AGO3: variants seen among roughly 807,000 people sequenced by gnomAD.
AGO3 encodes the protein protein argonaute-3.
A neutral mutation model predicts 105.5 loss-of-function variants in AGO3; 16 were observed. The ratio of observed to expected loss-of-function variants is 0.15; its 90% CI spans 0.10 to 0.23. The LOEUF is 0.23. AGO3 is among the 10% of genes least tolerant of loss of function. AGO3 has a pLI of 1.00. For missense variants in AGO3, 534 were observed against 1,088.0 expected, an observed-to-expected ratio of 0.49 and a Z score of 7.16; for synonymous variants, 340 against 367.3, an observed-to-expected ratio of 0.93 and a Z score of 0.85.
intron 14 of AGO3, 96 bp downstream of exon 14, chr1:36,036,363 A>C: frequency 2.6e-6 from 3 of 1,167,914 alleles, no homozygotes; most frequent in East Asian, 4.8e-5. Context: ...CTTTGTAGCC[A>C]ACTTTCATAA....
At chr1:35,995,209 A>T (rs35458764) in intron 5 of AGO3, among the ~76,000 whole-genome samples, 12,519 of 114,312 alleles carry the variant, frequency 0.11, 692 homozygotes, top group Non-Finnish European at 0.14. Flanking sequence ...TAAAAAAAAA[A>T]ATATATATAT....
intron 11 of AGO3, among the ~76,000 whole-genome samples, chr1:36,025,365 C>T (rs1278688883): frequency 2.1e-5 from 3 of 145,086 alleles, no homozygotes; most frequent in Admixed American, 7.1e-5. Context: ...ACAAGGATGG[C>T]TTATTACAAT....
At chr1:35,996,253 AG>A (rs1245755942) in intron 5 of AGO3, among the ~76,000 whole-genome samples, 1 of 151,668 alleles carries the variant, frequency 6.6e-6, no homozygotes, top group African/African-American at 2.4e-5. Flanking sequence ...TGAGCCCAGG[AG>A]TTAGAGGTTG....
rs1229374106 is a variant in AGO3 at position 35,931,163 on chromosome 1, G to T, written c.-264G>T. 9 of 398,034 alleles carry T rather than the reference G, an allele frequency of 2.3e-5. No individual in the cohort carries two copies. In the East Asian group the frequency reaches 3.2e-4, roughly 14 times the overall value. The allele number at this position is 398,034 out of a possible 1,614,324, so 24.7% of individuals were successfully genotyped here. Reference sequence around the variant, plus strand: ...GCGGTGGGAGCGTCGGCGGCCGCGGGCGATGCAACTTCCGGACGGGACTCC... The same window carrying T: ...GCGGTGGGAGCGTCGGCGGCCGCGGTCGATGCAACTTCCGGACGGGACTCC... On this transcript the variant is annotated 5_prime_UTR_variant, in exon 1 of 19. Transcript: ENST00000373191.
intron 1 of AGO3, among the ~76,000 whole-genome samples, chr1:35,937,289 G>A (rs1269535074): frequency 2.7e-5 from 4 of 150,904 alleles, no homozygotes; most frequent in Admixed American, 1.3e-4. Context: ...TGTAATACCC[G>A]CTACTCGGGA....
chr1:36,036,997 A>T (rs1642041127), intron 14 of AGO3, among the ~76,000 whole-genome samples: 1 of 151,980 alleles, frequency 6.6e-6, no homozygotes, highest in Non-Finnish European at 1.5e-5. Context: ...TGCCCAGCCA[A>T]ATTCTTTATT....
intron 14 of AGO3, among the ~76,000 whole-genome samples, chr1:36,038,752 A>G (rs1363894445): frequency 1.3e-5 from 2 of 152,232 alleles, no homozygotes; most frequent in East Asian, 1.9e-4. Flanking sequence ...TATTAGACAC[A>G]GAAAGAGAAA....
intron 1 of AGO3, among the ~76,000 whole-genome samples, chr1:35,941,508 A>T (rs1178366486): frequency 6.6e-6 from 1 of 152,200 alleles, no homozygotes; most frequent in East Asian, 1.9e-4. Flanking sequence ...TGTAATCAAG[A>T]TAATGTGGTA....
chr1:35,985,737 C>A (rs1647160236), intron 5 of AGO3, among the ~76,000 whole-genome samples: 2 of 152,016 alleles, frequency 1.3e-5, no homozygotes, highest in Admixed American at 1.3e-4. Context: ...AAACAAAGTA[C>A]AAAGTATAAA....
rs932088761 is a variant in AGO3 at position 35,931,582 on chromosome 1, G to C, written c.19+137G>C. 12 of 1,000,024 alleles carry C rather than the reference G, an allele frequency of 1.2e-5. No individual in the cohort carries two copies. In the Admixed American group the frequency reaches 2.1e-4, roughly 18 times the overall value. 61.9% of individuals were successfully genotyped at this position (1,000,024 alleles called of 1,614,324 possible). On this transcript the variant is annotated intron_variant, in intron 1 of 18. Coordinates refer to ENST00000373191, the MANE Select transcript of AGO3 (RefSeq NM_024852.4). Reference sequence around the variant, plus strand: ...CGCTCGGTCTCCCGCCCCTCGCCCTGCTCCTCCGCGACCTCCCCGCAGCCC... The same window carrying C: ...CGCTCGGTCTCCCGCCCCTCGCCCTCCTCCTCCGCGACCTCCCCGCAGCCC...
chr1:36,030,519 AAG>A (rs1553169229), intron 12 of AGO3, among the ~76,000 whole-genome samples: 2 of 151,780 alleles, frequency 1.3e-5, no homozygotes, highest in South Asian at 4.1e-4. Flanking sequence ...AAAAAAAAAA[AAG>A]AGAGAAGAAA....
rs1163618923 is a variant in AGO3 at position 36,061,565 on chromosome 1, G to A, written c.*5820G>A. ...AGTGAGAAACCCTGTTGAAGTATCA[G>A]GTAAATGGTGTGACAAAATTAGAAT... On this transcript the variant is annotated 3_prime_UTR_variant, in exon 19 of 19. Transcript: ENST00000373191. 1.3e-5 allele frequency: 2 copies of A among 152,114 alleles called. No individual in the cohort carries two copies. Among genetic ancestry groups the A allele is most frequent in the African/African-American group, 4.8e-5 (2 of 41,422 alleles). The allele number at this position is 152,114 out of a possible 1,614,324, so 9.4% of individuals were successfully genotyped here.
Position 36,067,220 on chromosome 1 carries a change from G to A in AGO3, c.*11475G>A, listed in dbSNP as rs1192242534. The A allele has an allele frequency of 2.6e-5, 4 of 152,164 alleles. No homozygotes were observed. Among genetic ancestry groups the A allele is most frequent in the East Asian group, 1.9e-4 (1 of 5,200 alleles). 9.4% of individuals were successfully genotyped at this position (152,164 alleles called of 1,614,324 possible). ...ATTTGGTAAAAACACTGGTTAGTTTGTAATGAAGAAAGAATTTTGGCATAG... is the reference window on the plus strand; with the variant it reads ...ATTTGGTAAAAACACTGGTTAGTTTATAATGAAGAAAGAATTTTGGCATAG... On this transcript the variant is annotated 3_prime_UTR_variant, in exon 19 of 19. Transcript: ENST00000373191.
intron 14 of AGO3, among the ~76,000 whole-genome samples, chr1:36,038,038 T>C (rs1433449127): frequency 2.0e-5 from 3 of 152,130 alleles, no homozygotes; most frequent in African/African-American, 7.2e-5. Flanking sequence ...TCCAAGAACT[T>C]AGAGAGTAGT....
At chr1:36,026,530 C>A (rs565133830) in intron 11 of AGO3, among the ~76,000 whole-genome samples, 1 of 152,310 alleles carries the variant, frequency 6.6e-6, no homozygotes, top group Non-Finnish European at 1.5e-5. Flanking sequence ...TTTGTCTAAT[C>A]ATTTGAACTT....
intron 11 of AGO3, among the ~76,000 whole-genome samples, chr1:36,020,946 A>C (rs1305223130): frequency 2.0e-5 from 3 of 151,446 alleles, no homozygotes; most frequent in African/African-American, 7.3e-5. Context: ...TTATTTATTT[A>C]TTTAGAGACG....
chr1:35,997,222 T>C (rs1057061982), intron 5 of AGO3, among the ~76,000 whole-genome samples: 1 of 151,662 alleles, frequency 6.6e-6, no homozygotes, highest in African/African-American at 2.4e-5. Context: ...GAGGTTGGAG[T>C]GAACTGAGAT....
chr1:36,039,247 G>A (rs992766129), intron 14 of AGO3, among the ~76,000 whole-genome samples: 7 of 152,094 alleles, frequency 4.6e-5, no homozygotes, highest in African/African-American at 1.7e-4. Flanking sequence ...TGTAATCCCA[G>A]CACTTTGGGA....
intron 2 of AGO3, among the ~76,000 whole-genome samples, chr1:35,963,462 A>C (rs1273745752): frequency 6.6e-6 from 1 of 152,212 alleles, no homozygotes; most frequent in African/African-American, 2.4e-5. Flanking sequence ...AAATAGAAGA[A>C]TGTTCATCAA....
Sources: gnomAD v4.1 joint callset for allele counts (sites outside exome capture counted in the v4.1 genomes callset) on GRCh38, gnomAD v4.1.1 for gene constraint, MANE v1.5 for transcripts, NCBI Gene and HGNC (gene_info 2026-07-23, HGNC 2026-07-21) for gene names.